Variants in RIGI observed in about 807,000 individuals in gnomAD.
RIGI encodes the protein RNA sensor RIG-I.
At chr9:32,480,245 T>C in the RIGI span, 21 of 1,608,602 alleles carry the variant, frequency 1.3e-5, no homozygotes, top group Admixed American at 5.0e-5. Context: ...AAGATCTTGC[T>C]CAATCTCATC....
chr9:32,487,321 T>TA, the RIGI span: 1 of 762,240 alleles, frequency 1.3e-6, no homozygotes. Flanking sequence ...TTAGAGAGGC[T>TA]AAAAAATGTG....
chr9:32,482,987 T>C, the RIGI span, among the ~76,000 whole-genome samples: 10 of 152,214 alleles, frequency 6.6e-5, no homozygotes, highest in African/African-American at 2.2e-4. Context: ...CAAAAGACAC[T>C]TATCACACAT....
chr9:32,469,817 G>A, the RIGI span, among the ~76,000 whole-genome samples: 1 of 152,142 alleles, frequency 6.6e-6, no homozygotes, highest in Non-Finnish European at 1.5e-5. Flanking sequence ...ACTTCAAACC[G>A]TGTGGATCCT....
chr9:32,488,571 C>T, the RIGI span, among the ~76,000 whole-genome samples: 2 of 152,164 alleles, frequency 1.3e-5, no homozygotes, highest in African/African-American at 4.8e-5. Context: ...TTTTCTGGTA[C>T]ATCTAACAAA....
the RIGI span, among the ~76,000 whole-genome samples, chr9:32,502,913 T>A: frequency 4.6e-5 from 7 of 152,256 alleles, no homozygotes; most frequent in African/African-American, 1.7e-4. Flanking sequence ...TACTCTAGTA[T>A]GACCTCATCG....
the RIGI span, among the ~76,000 whole-genome samples, chr9:32,524,596 GTTTTTTTTTTTTTT>G: frequency 7.1e-3 from 477 of 67,594 alleles, 2 homozygotes; most frequent in Non-Finnish European, 0.01. Flanking sequence ...TTGTTTTTCG[GTTTTTTTTTTTTTT>G]TTTTTTTTTT....
the RIGI span, among the ~76,000 whole-genome samples, chr9:32,494,098 CAG>C: frequency 6.6e-6 from 1 of 152,042 alleles, no homozygotes; most frequent in Non-Finnish European, 1.5e-5. Flanking sequence ...AAAAAGAAAA[CAG>C]TATTCATTTT....
the RIGI span, among the ~76,000 whole-genome samples, chr9:32,475,292 T>C: frequency 1.3e-5 from 2 of 152,108 alleles, no homozygotes; most frequent in Admixed American, 6.6e-5. Flanking sequence ...CAGCAGATTT[T>C]TTCATAGATG....
the RIGI span, among the ~76,000 whole-genome samples, chr9:32,496,591 T>C: frequency 0.12 from 18,150 of 152,238 alleles, 1,150 homozygotes; most frequent in Middle Eastern, 0.29. Context: ...ATTCTCCAGA[T>C]TGTGGACAGC....
chr9:32,457,988 T>G, the RIGI span, among the ~76,000 whole-genome samples: 4 of 152,132 alleles, frequency 2.6e-5, no homozygotes, highest in African/African-American at 9.7e-5. Context: ...AAATTGGAGC[T>G]GAAAGGACCT....
chr9:32,521,486 G>A, the RIGI span, among the ~76,000 whole-genome samples: 3 of 152,066 alleles, frequency 2.0e-5, no homozygotes, highest in East Asian at 1.9e-4. Context: ...ATTTTGTAGC[G>A]ACCTGTGATC....
chr9:32,482,217 T>G, the RIGI span, among the ~76,000 whole-genome samples: 13 of 142,464 alleles, frequency 9.1e-5, no homozygotes, highest in Non-Finnish European at 1.5e-4. Flanking sequence ...GTGTGTGTGT[T>G]TGATTGTTTC....
chr9:32,461,235 G>T, the RIGI span, among the ~76,000 whole-genome samples: 11 of 152,232 alleles, frequency 7.2e-5, no homozygotes, highest in African/African-American at 2.4e-4. Flanking sequence ...GAGAAATGAA[G>T]ACATTCTTAG....
the RIGI span, among the ~76,000 whole-genome samples, chr9:32,513,491 T>G: frequency 6.6e-6 from 1 of 152,236 alleles, no homozygotes; most frequent in Non-Finnish European, 1.5e-5. Flanking sequence ...GATTCCCTAT[T>G]TAATAAATGT....
the RIGI span, chr9:32,485,342 A>C: frequency 8.4e-7 from 1 of 1,195,318 alleles, no homozygotes; most frequent in Non-Finnish European, 1.2e-6. Context: ...GGAAGGACAG[A>C]TTGTAGTTCA....
chr9:32,495,155 G>A, the RIGI span, among the ~76,000 whole-genome samples: 1 of 152,126 alleles, frequency 6.6e-6, no homozygotes, highest in Non-Finnish European at 1.5e-5. Flanking sequence ...CAGGCACAGG[G>A]TTGCAGTTTC....
the RIGI span, among the ~76,000 whole-genome samples, chr9:32,509,583 C>T: frequency 6.6e-6 from 1 of 152,102 alleles, no homozygotes; most frequent in Non-Finnish European, 1.5e-5. Flanking sequence ...GATAACTCAT[C>T]TGAAGGTCAC....
chr9:32,485,567 G>T, the RIGI span: 15 of 370,538 alleles, frequency 4.0e-5, 1 homozygote, highest in South Asian at 2.8e-4. Context: ...TTGAGACCAA[G>T]TCTCACTGTG....
At chr9:32,501,051 G>T in the RIGI span, 1 of 1,305,534 alleles carries the variant, frequency 7.7e-7, no homozygotes, top group Non-Finnish European at 1.1e-6. Context: ...ATTGTACCAA[G>T]TCACAGCATT....
Sources: allele counts gnomAD v4.1 joint callset (sites outside exome capture counted in the v4.1 genomes callset), GRCh38; gene constraint gnomAD v4.1.1; transcripts MANE v1.5; gene names NCBI Gene and HGNC (gene_info 2026-07-23, HGNC 2026-07-21).